Variants in FARS2 observed in about 807,000 individuals in gnomAD.
FARS2 encodes the protein phenylalanyl-tRNA synthetase 2, mitochondrial, also known as phenylalanine--tRNA ligase, mitochondrial.
Under a neutral mutation model 46.4 loss-of-function variants are expected in FARS2, and 40 were observed. That is an observed-to-expected ratio of 0.86 (90% CI 0.67 to 1.12). The LOEUF (loss-of-function observed/expected upper bound fraction) is 1.12. FARS2 is among the 50% of genes most tolerant of loss of function. The probability of loss-of-function intolerance (pLI) is 0.00; values close to 1 mark genes in which losing one functional copy is unlikely to be tolerated. For missense variants in FARS2, 513 were observed against 567.9 expected, an observed-to-expected ratio of 0.90 and a Z score of 0.98; for synonymous variants, 234 against 214.9, an observed-to-expected ratio of 1.09 and a Z score of -0.78.
intron 3 of FARS2, among the ~76,000 whole-genome samples, chr6:5,419,374 T>G (rs920896538): frequency 6.6e-6 from 1 of 152,230 alleles, no homozygotes; most frequent in Admixed American, 6.5e-5. Flanking sequence ...AGTTAATGTT[T>G]GATTATTTGT....
rs1775287158 is a variant in FARS2 at position 5,613,262 on chromosome 6, A to G, written c.1159A>G (p.Thr387Ala). The G allele has an allele frequency of 6.2e-7, 1 of 1,613,570 alleles. No individual in the cohort carries two copies. The highest frequency in any genetic ancestry group is 2.2e-5 in the East Asian group (1 of 44,828). ...AAATGATTTCTATGACTTAGTCCGA[A>G]CAATTGGAGGAGACCTGGTGGAAAA... Reference protein sequence around the residue: ...AENDFYDLVRTIGGDLVEKVD... With the variant: ...AENDFYDLVRAIGGDLVEKVD... Residue 387 changes from threonine to alanine, a missense_variant, in exon 6 of 7, where the codon ACA (threonine) becomes GCA (alanine). Thr to Ala is a moderately conservative substitution (Grantham distance 58). Coordinates refer to ENST00000274680, the MANE Select transcript of FARS2 (RefSeq NM_006567.5).
Position 5,311,345 on chromosome 6 carries a change from T to C in FARS2, c.-22+49685T>C, listed in dbSNP as rs1400632034. ...CCCTTCAAAAGGGATCACAGGAAACTTTTAGGAAAGGTCGCAAAAGCCACT... is the reference window on the plus strand; with the variant it reads ...CCCTTCAAAAGGGATCACAGGAAACCTTTAGGAAAGGTCGCAAAAGCCACT... On this transcript the variant is annotated intron_variant, in intron 1 of 6. Transcript: ENST00000274680. This position sits in a 1 kb window ranked among gnomAD's most constrained non-coding sequence, Gnocchi z 4.1. 6.6e-6 allele frequency among the ~76,000 whole-genome samples: 1 copy of C among 152,170 alleles called. No homozygotes were observed. The highest frequency in any genetic ancestry group is 1.5e-5 in the Non-Finnish European group (1 of 68,024).
intron 1 of FARS2, among the ~76,000 whole-genome samples, chr6:5,346,085 A>G (rs751314537): frequency 1.3e-5 from 2 of 152,154 alleles, no homozygotes; most frequent in Non-Finnish European, 2.9e-5. Flanking sequence ...ACTATCAGGG[A>G]CGTGCAGTCA....
At chr6:5,745,359 G>T (rs892104979) in intron 6 of FARS2, among the ~76,000 whole-genome samples, 2 of 152,254 alleles carry the variant, frequency 1.3e-5, no homozygotes, top group African/African-American at 4.8e-5. Context: ...TTCATTATGT[G>T]TGTCTGTGCT....
At position 5,722,630 on chromosome 6, in the gene FARS2, G is replaced by A. The variant is rs559481736; in HGVS notation, c.1218-48661G>A. 3.3e-5 allele frequency among the ~76,000 whole-genome samples: 5 copies of A among 152,302 alleles called. No homozygotes were observed. The South Asian group carries it at 8.3e-4, about 25-fold the overall frequency. On this transcript the variant is annotated intron_variant, in intron 6 of 6. Transcript: ENST00000274680. ...TGCTGAGCATGGTGAGGAGGGGGAA[G>A]CGCAGGGAGAGAAAAGGTCAGTGAG...
At chr6:5,583,365 G>A (rs1165689591) in intron 5 of FARS2, among the ~76,000 whole-genome samples, 2 of 152,172 alleles carry the variant, frequency 1.3e-5, no homozygotes, top group Non-Finnish European at 2.9e-5. Flanking sequence ...AGAATTTGTG[G>A]AAGAATCATA....
chr6:5,544,207 G>A (rs976191973), intron 4 of FARS2, among the ~76,000 whole-genome samples: 3 of 152,206 alleles, frequency 2.0e-5, no homozygotes, highest in African/African-American at 7.2e-5. Flanking sequence ...CCTCTTCACA[G>A]CCAGGAGGTG....
chr6:5,763,974 G>A (rs1002407248), intron 6 of FARS2, among the ~76,000 whole-genome samples: 1 of 151,900 alleles, frequency 6.6e-6, no homozygotes, highest in Admixed American at 6.6e-5. Flanking sequence ...TCTGAGGAGG[G>A]TAAAAGAAAC....
intron 5 of FARS2, chr6:5,609,880 G>T (rs547755282): frequency 1.0e-6 from 1 of 994,378 alleles, no homozygotes; most frequent in Non-Finnish European, 1.6e-6. Flanking sequence ...ACCAACAAAT[G>T]CCTTTTTCAC....
At chr6:5,293,469 T>G (rs1767639492) in intron 1 of FARS2, among the ~76,000 whole-genome samples, 1 of 152,160 alleles carries the variant, frequency 6.6e-6, no homozygotes, top group Admixed American at 6.5e-5. Context: ...TTGACCATTC[T>G]GTATATCTAC....
chr6:5,650,043 C>T (rs148937766), intron 6 of FARS2, among the ~76,000 whole-genome samples: 5 of 152,272 alleles, frequency 3.3e-5, no homozygotes, highest in African/African-American at 9.6e-5. Flanking sequence ...GCCCCACTGC[C>T]GGACCCATTT....
In FARS2 at chr6:5,574,892, T is replaced by C. The variant is rs548670630; in HGVS notation, c.1065+29552T>C. ...TAGTTGGCCCTGTGGAACCTGCATA[T>C]ACAAAATGTCAGCTTCTGTATTCTA... On this transcript the variant is annotated intron_variant, in intron 5 of 6. Transcript: ENST00000274680. Among the ~76,000 whole-genome samples the C allele has an allele frequency of 2.5e-4, 38 of 152,258 alleles. No homozygotes were observed. In the Middle Eastern group the frequency reaches 0.01, roughly 41 times the overall value.
intron 4 of FARS2, among the ~76,000 whole-genome samples, chr6:5,472,427 A>G (rs1765859137): frequency 6.6e-6 from 1 of 152,188 alleles, no homozygotes. Context: ...GCAAAGGGGA[A>G]TGAGAAGGAG....
chr6:5,546,607 A>G lies in FARS2; in HGVS notation c.1065+1267A>G, dbSNP rs138819615. On this transcript the variant is annotated intron_variant, in intron 5 of 6. Coordinates refer to ENST00000274680, the MANE Select transcript of FARS2 (RefSeq NM_006567.5). ...CATTCATTTTTCAGAATGAAGCTGC[A>G]TATATGTTAGACCATTTGATCCTAT... 1.7e-3 allele frequency among the ~76,000 whole-genome samples: 253 copies of G among 152,050 alleles called. 1 individual carries two copies. Among genetic ancestry groups the G allele is most frequent in the African/African-American group, 6.0e-3 (247 of 41,474 alleles).
chr6:5,734,810 GATAC>G (rs566855361), intron 6 of FARS2, among the ~76,000 whole-genome samples: 243 of 152,196 alleles, frequency 1.6e-3, no homozygotes, highest in African/African-American at 5.5e-3. Context: ...TAGATAGATA[GATAC>G]ATACATACAT....
intron 4 of FARS2, among the ~76,000 whole-genome samples, chr6:5,435,729 G>A (rs1159376317): frequency 6.6e-6 from 1 of 152,182 alleles, no homozygotes; most frequent in Non-Finnish European, 1.5e-5. Flanking sequence ...CCATCACTGG[G>A]ACAACTATGA....
At chr6:5,745,069 A>G (rs888752767) in intron 6 of FARS2, among the ~76,000 whole-genome samples, 1 of 152,336 alleles carries the variant, frequency 6.6e-6, no homozygotes, top group East Asian at 1.9e-4. Context: ...ATCCACAAAT[A>G]TACCCACAAA....
At chr6:5,653,833 G>A (rs1777485301) in intron 6 of FARS2, among the ~76,000 whole-genome samples, 2 of 152,120 alleles carry the variant, frequency 1.3e-5, no homozygotes, top group South Asian at 4.1e-4. Context: ...AGAGAATAGT[G>A]GAGAAGGGCA....
At chr6:5,266,563 C>T (rs1416104450) in intron 1 of FARS2, among the ~76,000 whole-genome samples, 1 of 152,104 alleles carries the variant, frequency 6.6e-6, no homozygotes, top group Admixed American at 6.6e-5. Flanking sequence ...CAGGGTCACA[C>T]AGCTGGAAAG....
Sources: gnomAD v4.1 joint callset for allele counts (sites outside exome capture counted in the v4.1 genomes callset) on GRCh38, gnomAD v4.1.1 for gene constraint, Gnocchi (gnomAD v3.1) non-coding constraint, MANE v1.5 for transcripts, NCBI Gene and HGNC (gene_info 2026-07-23, HGNC 2026-07-21) for gene names.